The following EML1 variants were observed in gnomAD, a reference collection of about 807,000 sequenced individuals.
EML1 encodes the protein echinoderm microtubule-associated protein-like 1.
EML1 carries 27 observed loss-of-function variants against 110.4 expected under a neutral mutation model. The observed-to-expected ratio is 0.24, with a 90% CI of 0.18 to 0.34. The LOEUF (loss-of-function observed/expected upper bound fraction) is 0.34. Ranked by LOEUF, EML1 falls within the 10% of genes least tolerant of loss-of-function variation. The pLI is 1.00. For synonymous variants in EML1, 344 were observed against 385.8 expected (o/e 0.89, Z 1.27); for missense variants, 741 against 1,030.9 (o/e 0.72, Z 3.85).
rs779282031 is a variant in EML1, at chr14:99,907,626, CT to C, written c.1009-9del. On this transcript the variant is annotated splice_polypyrimidine_tract_variant and intron_variant, in intron 9 of 21. Transcript: ENST00000262233. ...TCAGATATAGTCTTCCTGTGAATAA[CT>C]TTCTTTTCAGAATGGAGGAACCAAT... 6.2e-7 allele frequency: 1 copy of C among 1,612,814 alleles called. No individual in the cohort carries two copies. The highest frequency in any genetic ancestry group is 8.5e-7 in the Non-Finnish European group (1 of 1,179,270).
intron 17 of EML1, among the ~76,000 whole-genome samples, chr14:99,924,573 G>A (rs547004230): frequency 9.8e-5 from 15 of 152,296 alleles, no homozygotes; most frequent in South Asian, 4.1e-4. Flanking sequence ...TGTATTATAC[G>A]TAATATTTGC....
Position 99,901,072 on chromosome 14 carries a change from C to T in EML1, c.1008+33C>T. 3 of 1,565,996 alleles carry T rather than the reference C, an allele frequency of 1.9e-6. No individual in the cohort carries two copies. The South Asian group carries it at 3.3e-5, about 17-fold the overall frequency. On this transcript the variant is annotated intron_variant, in intron 9 of 21. Coordinates refer to ENST00000262233, the MANE Select transcript of EML1 (RefSeq NM_004434.3). Reference sequence around the variant, plus strand: ...TGTGCCCTGTGGATATTGCTGTCTTCTTCCACAGGAAGTAGAGAATCAACT... The same window carrying T: ...TGTGCCCTGTGGATATTGCTGTCTTTTTCCACAGGAAGTAGAGAATCAACT...
chr14:99,780,777 G>T (rs921682606), intron 1 of EML1, among the ~76,000 whole-genome samples: 2 of 152,128 alleles, frequency 1.3e-5, no homozygotes, highest in African/African-American at 4.8e-5. Flanking sequence ...AGTTGCCTAC[G>T]ATATTCAGTA....
intron 1 of EML1, among the ~76,000 whole-genome samples, chr14:99,808,223 T>C (rs2058014117): frequency 2.0e-5 from 3 of 152,200 alleles, no homozygotes; most frequent in Admixed American, 1.3e-4. Flanking sequence ...GGGCGCTGTG[T>C]TGTCTTTTTC....
chr14:99,806,852 A>G (rs1446623784), intron 1 of EML1, among the ~76,000 whole-genome samples: 1 of 152,142 alleles, frequency 6.6e-6, no homozygotes. Context: ...TAGAAAAATG[A>G]TGAGGGGCAT....
chr14:99,928,201 T>A (rs796228576), intron 17 of EML1, among the ~76,000 whole-genome samples: 2 of 81,994 alleles, frequency 2.4e-5, no homozygotes, highest in Non-Finnish European at 5.1e-5. Context: ...GTGGTGGTGG[T>A]GGTGGTGATG....
At chr14:99,772,652 TTAGGA>T (rs1157624639), upstream of EML1, among the ~76,000 whole-genome samples, 1 of 152,268 alleles carries the variant, frequency 6.6e-6, no homozygotes, top group Middle Eastern at 3.2e-3. Context: ...CAGGAGGTTT[TTAGGA>T]CTTTTATTGC....
At chr14:99,857,277 AAAAT>A (rs151076751) in intron 2 of EML1, among the ~76,000 whole-genome samples, 9,154 of 152,106 alleles carry the variant, frequency 0.06, 919 homozygotes, top group African/African-American at 0.21. Flanking sequence ...TCTCAAAAAA[AAAAT>A]AAATAAATAA....
chr14:99,934,319 T>G (rs1305226640), intron 17 of EML1, among the ~76,000 whole-genome samples: 2 of 152,220 alleles, frequency 1.3e-5, no homozygotes, highest in Admixed American at 1.3e-4. Flanking sequence ...GCAGTCCTTT[T>G]GTTTTTCTCA....
intron 10 of EML1, among the ~76,000 whole-genome samples, chr14:99,908,753 G>C (rs1005330629): frequency 6.6e-6 from 1 of 152,182 alleles, no homozygotes; most frequent in Non-Finnish European, 1.5e-5. Flanking sequence ...ACCCCAGGCC[G>C]GTTCACTGAG....
chr14:99,783,892 G>T (rs994361657), intron 1 of EML1, among the ~76,000 whole-genome samples: 1 of 152,232 alleles, frequency 6.6e-6, no homozygotes, highest in African/African-American at 2.4e-5. Context: ...TCTGTGGTTA[G>T]TCTGTGGCAT....
chr14:99,813,592 A>G (rs1037353364), intron 1 of EML1, among the ~76,000 whole-genome samples: 2 of 152,034 alleles, frequency 1.3e-5, no homozygotes, highest in Non-Finnish European at 2.9e-5. Context: ...CTGTAGTCCC[A>G]GTTACTTGGG....
At chr14:99,931,664 A>G (rs965822854) in intron 17 of EML1, among the ~76,000 whole-genome samples, 9 of 152,160 alleles carry the variant, frequency 5.9e-5, no homozygotes, top group Admixed American at 6.5e-5. Flanking sequence ...GAGAACAATT[A>G]GGGAAAGAAA....
intron 10 of EML1, among the ~76,000 whole-genome samples, chr14:99,909,126 C>T (rs994053516): frequency 6.6e-6 from 1 of 152,180 alleles, no homozygotes; most frequent in African/African-American, 2.4e-5. Context: ...CTCAAGGGCT[C>T]ATTGTCCAGT....
chr14:99,850,603 T>C (rs1462720456), intron 1 of EML1, among the ~76,000 whole-genome samples: 1 of 152,140 alleles, frequency 6.6e-6, no homozygotes, highest in East Asian at 1.9e-4. Context: ...AAAAGTATAA[T>C]GTCAATTAAA....
At chr14:99,928,562 G>A (rs2060309957) in intron 17 of EML1, among the ~76,000 whole-genome samples, 2 of 152,062 alleles carry the variant, frequency 1.3e-5, no homozygotes, top group Non-Finnish European at 2.9e-5. Context: ...ATTATGTTGT[G>A]GGAAATACTG....
Position 99,939,139 on chromosome 14 carries a change from C to T in EML1, c.2192-58C>T. 1 of 1,595,906 alleles carries T rather than the reference C, an allele frequency of 6.3e-7. No homozygotes were observed. The highest frequency in any genetic ancestry group is 1.8e-5 in the Admixed American group (1 of 56,760). On this transcript the variant is annotated intron_variant, in intron 20 of 21. Coordinates refer to ENST00000262233, the MANE Select transcript of EML1 (RefSeq NM_004434.3). This position sits in a 1 kb window ranked among gnomAD's most constrained non-coding sequence, Gnocchi z 4.2. ...GACCGTTCAGTGGGCGCTTCCTGCGCCATGTGGCCCTGTGGCCCCTGGTGT... is the reference window on the plus strand; with the variant it reads ...GACCGTTCAGTGGGCGCTTCCTGCGTCATGTGGCCCTGTGGCCCCTGGTGT...
At chr14:99,767,512 G>A (rs575239366) in intron 1 of EML1, among the ~76,000 whole-genome samples, 15 of 152,290 alleles carry the variant, frequency 9.8e-5, no homozygotes, top group Middle Eastern at 3.4e-3. Context: ...TGAGGCAGGA[G>A]AATCGCTTGA....
intron 11 of EML1, 39 bp downstream of exon 11, chr14:99,909,518 G>A (rs201410301): frequency 3.2e-5 from 51 of 1,612,512 alleles, no homozygotes; most frequent in East Asian, 1.8e-4. Context: ...TTTTTCTCTC[G>A]TATATGTGAT....
Sources: allele counts gnomAD v4.1 joint callset (sites outside exome capture counted in the v4.1 genomes callset), GRCh38; gene constraint gnomAD v4.1.1; non-coding constraint Gnocchi (gnomAD v3.1); transcripts MANE v1.5; gene names NCBI Gene and HGNC (gene_info 2026-07-23, HGNC 2026-07-21).